Variants in ANKDD1B observed in about 807,000 individuals in gnomAD.
ANKDD1B encodes the protein ankyrin repeat and death domain-containing protein 1B.
In ANKDD1B, 57 loss-of-function variants were observed where a neutral mutation model predicts 59.7. The ratio of observed to expected loss-of-function variants is 0.95; its 90% CI spans 0.77 to 1.19. The LOEUF (loss-of-function observed/expected upper bound fraction) is 1.19. Among genes scored for constraint, ANKDD1B ranks in the 50% most tolerant of loss-of-function variants. The pLI is 0.00. For missense variants in ANKDD1B, 602 were observed against 641.9 expected (o/e 0.94, Z 0.67); for synonymous variants, 216 against 239.5 (o/e 0.90, Z 0.91).
chr5:75,625,995 T>C lies in ANKDD1B; in HGVS notation c.600+40T>C, dbSNP rs570994885. 7.9e-6 allele frequency: 11 copies of C among 1,386,182 alleles called. No individual in the cohort carries two copies. The East Asian group carries it at 1.2e-4, about 16-fold the overall frequency. 85.9% of individuals were successfully genotyped at this position (1,386,182 alleles called of 1,614,324 possible). A position where few individuals can be genotyped will look rare whatever the true frequency, so the allele number is the denominator to read the frequency against. On this transcript the variant is annotated intron_variant, in intron 5 of 13. Coordinates refer to ENST00000601380, the MANE Select transcript of ANKDD1B (RefSeq NM_001276713.2). Reference sequence around the variant, plus strand: ...GTTGTGTAGGTCTTGCATACACCCCTATCAAATTTCACTTTCTTCCTGCCT... The same window carrying C: ...GTTGTGTAGGTCTTGCATACACCCCCATCAAATTTCACTTTCTTCCTGCCT...
intron 5 of ANKDD1B, among the ~76,000 whole-genome samples, chr5:75,631,704 A>C (rs1458485004): frequency 1.3e-5 from 2 of 152,200 alleles, no homozygotes; most frequent in Admixed American, 6.5e-5. Context: ...AAAACAGCTG[A>C]TAGATACTGA....
At chr5:75,619,808 T>C (rs76594119) in intron 2 of ANKDD1B, among the ~76,000 whole-genome samples, 9,291 of 152,256 alleles carry the variant, frequency 0.061, 860 homozygotes, top group African/African-American at 0.2. Flanking sequence ...TTCACTCCTT[T>C]TATCCCTTCC....
At chr5:75,655,340 G>A (rs551994307) in intron 8 of ANKDD1B, among the ~76,000 whole-genome samples, 214 of 152,314 alleles carry the variant, frequency 1.4e-3, no homozygotes, top group African/African-American at 4.9e-3. Flanking sequence ...GCTAGACTCC[G>A]TGCGGGGAGA....
At chr5:75,669,196 T>C in intron 12 of ANKDD1B, 56 bp from the exon 13 acceptor site, 1 of 1,230,102 alleles carries the variant, frequency 8.1e-7, no homozygotes. Flanking sequence ...GAGATCACAA[T>C]GGAAAGAGAT....
intron 7 of ANKDD1B, among the ~76,000 whole-genome samples, chr5:75,649,603 CT>C (rs1774772511): frequency 6.6e-6 from 1 of 152,114 alleles, no homozygotes; most frequent in South Asian, 2.1e-4. Flanking sequence ...CTTTGAGTTT[CT>C]TGTAAATTTG....
intron 11 of ANKDD1B, among the ~76,000 whole-genome samples, chr5:75,665,566 C>G (rs1775283805): frequency 6.6e-6 from 1 of 152,180 alleles, no homozygotes; most frequent in Admixed American, 6.5e-5. Context: ...AAAGCTGAGG[C>G]TGGGTTGGAG....
At chr5:75,649,474 A>AT (rs1174319751) in intron 7 of ANKDD1B, among the ~76,000 whole-genome samples, 4 of 152,090 alleles carry the variant, frequency 2.6e-5, no homozygotes, top group Non-Finnish European at 4.4e-5. Context: ...GGAACCAATA[A>AT]TTTTTTTATG....
At position 75,625,896 on chromosome 5, in the gene ANKDD1B, C is replaced by T. The variant is rs747619042; in HGVS notation, c.541C>T (p.Arg181Cys). The T allele has an allele frequency of 5.9e-6, 9 of 1,536,188 alleles. No individual in the cohort carries two copies. Among genetic ancestry groups the T allele is most frequent in the East Asian group, 4.9e-5 (2 of 40,922 alleles). The change falls in exon 5 of 14, where the codon CGC becomes TGC. Residue 181 changes from arginine to cysteine, a missense_variant. Transcript: ENST00000601380. The part of the protein sequence containing the change: ...LHFATQSNHV[R>C]IVEYLIQDLH... ...CTTTGCCACTCAGAGCAATCATGTG[C>T]GCATCGTGGAGTATCTTATTCAAGA...
intron 7 of ANKDD1B, among the ~76,000 whole-genome samples, chr5:75,650,637 A>G (rs1256552223): frequency 1.3e-5 from 2 of 152,202 alleles, no homozygotes; most frequent in Non-Finnish European, 2.9e-5. Context: ...CCCGTACTTG[A>G]CAGGCCACAT....
chr5:75,620,520 T>C (rs960334131), intron 3 of ANKDD1B, 107 bp downstream of exon 3: 16 of 633,176 alleles, frequency 2.5e-5, no homozygotes, highest in African/African-American at 2.2e-4. Flanking sequence ...AATATTTTAA[T>C]TGGCAGTGTT....
At chr5:75,638,030 C>T (rs1410094312) in intron 7 of ANKDD1B, among the ~76,000 whole-genome samples, 1 of 152,154 alleles carries the variant, frequency 6.6e-6, no homozygotes, top group Non-Finnish European at 1.5e-5. Context: ...TTGTAAAGGC[C>T]ACCTCTTAAT....
At chr5:75,622,935 A>C (rs1238025904) in intron 3 of ANKDD1B, among the ~76,000 whole-genome samples, 1 of 152,222 alleles carries the variant, frequency 6.6e-6, no homozygotes, top group Non-Finnish European at 1.5e-5. Context: ...AGTTGATTGC[A>C]GCTTGAATTC....
intron 7 of ANKDD1B, among the ~76,000 whole-genome samples, chr5:75,638,014 A>G (rs1360901851): frequency 6.6e-6 from 1 of 152,226 alleles, no homozygotes; most frequent in Non-Finnish European, 1.5e-5. Context: ...TCATGACCTA[A>G]TCACCTTGTA....
chr5:75,663,565 CTG>C, intron 11 of ANKDD1B, 76 bp downstream of exon 11: 1 of 1,174,804 alleles, frequency 8.5e-7, no homozygotes, highest in Non-Finnish European at 1.2e-6. Flanking sequence ...ATGGGGGGGT[CTG>C]TGCCATTCTT....
Position 75,657,732 on chromosome 5 carries a change from C to T in ANKDD1B, c.997-1551C>T, listed in dbSNP as rs988798152. Among the ~76,000 whole-genome samples, 3 of 151,870 alleles carry T rather than the reference C, an allele frequency of 2.0e-5. No homozygotes were observed. The East Asian group carries it at 5.8e-4, about 29-fold the overall frequency. ...GACAAGCCTGGCCAATATAGTGAAA[C>T]CCTGTCTCTACTAAAAATGCAAAAA... On this transcript the variant is annotated intron_variant, in intron 9 of 13. Coordinates refer to ENST00000601380, the MANE Select transcript of ANKDD1B (RefSeq NM_001276713.2).
chr5:75,618,262 A>G (rs1773763756), intron 2 of ANKDD1B, among the ~76,000 whole-genome samples: 1 of 152,340 alleles, frequency 6.6e-6, no homozygotes, highest in East Asian at 1.9e-4. Flanking sequence ...GAAGATTATT[A>G]TGACCGTGGA....
At chr5:75,655,655 G>A (rs1018947173) in intron 8 of ANKDD1B, among the ~76,000 whole-genome samples, 1 of 152,138 alleles carries the variant, frequency 6.6e-6, no homozygotes, top group Non-Finnish European at 1.5e-5. Context: ...TACTTCCAAA[G>A]CACTTAATTG....
chr5:75,663,645 T>G (rs925661246), intron 11 of ANKDD1B, among the ~76,000 whole-genome samples, 156 bp downstream of exon 11: 6 of 152,228 alleles, frequency 3.9e-5, no homozygotes, highest in African/African-American at 1.4e-4. Flanking sequence ...CTGCCCCCAT[T>G]CGTGGAATGA....
chr5:75,642,311 A>G (rs1463095443), intron 7 of ANKDD1B, among the ~76,000 whole-genome samples: 1 of 151,872 alleles, frequency 6.6e-6, no homozygotes, highest in Non-Finnish European at 1.5e-5. Context: ...AAGACAGGTG[A>G]TTTCTGCATT....
Sources: allele counts gnomAD v4.1 joint callset (sites outside exome capture counted in the v4.1 genomes callset), GRCh38; gene constraint gnomAD v4.1.1; transcripts MANE v1.5; gene names NCBI Gene and HGNC (gene_info 2026-07-23, HGNC 2026-07-21).